Variants in KLF7 observed in about 807,000 individuals in gnomAD.
KLF7 encodes KLF transcription factor 7, also known as Krueppel-like factor 7.
Under a neutral mutation model 27.3 loss-of-function variants are expected in KLF7, and 2 were observed. That is an observed-to-expected ratio of 0.07 (90% CI 0.03 to 0.23). The LOEUF (loss-of-function observed/expected upper bound fraction) is 0.23. Among genes scored for constraint, KLF7 ranks in the 10% least tolerant of loss-of-function variants. KLF7 has a pLI of 1.00. For missense variants in KLF7, 221 were observed against 394.1 expected (o/e 0.56, Z 3.72); for synonymous variants, 165 against 162.4 (o/e 1.02, Z -0.12).
At chr2:207,146,014 G>C (rs1388385487) in intron 1 of KLF7, among the ~76,000 whole-genome samples, 1 of 152,182 alleles carries the variant, frequency 6.6e-6, no homozygotes. Flanking sequence ...TATTATGAAC[G>C]AGTGTGACCA....
intron 2 of KLF7, among the ~76,000 whole-genome samples, chr2:207,098,618 C>CTAT (rs71034501): frequency 1.3e-4 from 20 of 148,896 alleles, no homozygotes; most frequent in South Asian, 2.2e-4. Flanking sequence ...AATGACCAAG[C>CTAT]TATTATTATT....
chr2:207,123,242 T>C (rs1463306668), intron 2 of KLF7, among the ~76,000 whole-genome samples: 1 of 151,882 alleles, frequency 6.6e-6, no homozygotes, highest in Non-Finnish European at 1.5e-5. Flanking sequence ...CAGAGAACAA[T>C]GCAAAAGAGG....
At chr2:207,134,196 G>C in intron 1 of KLF7, 1 of 1,269,252 alleles carries the variant, frequency 7.9e-7, no homozygotes, top group Non-Finnish European at 1.0e-6. Flanking sequence ...CATTTCATTG[G>C]CTCCTTCCTG....
At chr2:207,163,515 C>A (rs1485217428) in intron 1 of KLF7, among the ~76,000 whole-genome samples, 1 of 152,196 alleles carries the variant, frequency 6.6e-6, no homozygotes, top group African/African-American at 2.4e-5. Context: ...CTTTGCAGAT[C>A]TAGAGTTTGT....
chr2:207,162,805 A>G (rs183941480), intron 1 of KLF7, among the ~76,000 whole-genome samples: 1 of 152,352 alleles, frequency 6.6e-6, no homozygotes, highest in Admixed American at 6.5e-5. Flanking sequence ...AAGTCAGATT[A>G]TCAGAGTCTC....
intron 2 of KLF7, among the ~76,000 whole-genome samples, chr2:207,105,683 G>A (rs181799309): frequency 3.9e-5 from 6 of 152,254 alleles, no homozygotes; most frequent in Admixed American, 3.3e-4. Context: ...CATTAGCAGG[G>A]GTGAGGTCCT....
In KLF7 at chr2:207,123,946, G is replaced by A. The variant is rs780685325; in HGVS notation, c.561C>T (p.Ala187=). Residue 187 remains alanine (A), a synonymous_variant, in exon 2 of 4, where the codon GCC becomes GCT. Transcript: ENST00000309446. Reference sequence around the variant, plus strand: ...TCTTAACGGCCCCCGCAGCCGTCACGGCTGCTGCAGCTGTTGCGACCCCTC... The same window carrying A: ...TCTTAACGGCCCCCGCAGCCGTCACAGCTGCTGCAGCTGTTGCGACCCCTC... The part of the protein sequence containing the change: ...KVGGVATAAA[A]VTAAGAVKSG... 1.2e-5 allele frequency: 20 copies of A among 1,614,160 alleles called. No individual in the cohort carries two copies. The highest frequency in any genetic ancestry group is 1.2e-4 in the African/African-American group (9 of 75,056).
rs568889743 is a variant in KLF7, at chr2:207,110,790, A to G, written c.733+12984T>C. On this transcript the variant is annotated intron_variant, in intron 2 of 3. Coordinates refer to ENST00000309446, the MANE Select transcript of KLF7 (RefSeq NM_003709.4). ...ATATTTCCATTTAGTCAATATTGTT[A>G]AAGATCATAAAAGGGAAGAAGGCAA... Among the ~76,000 whole-genome samples, 92 of 152,226 alleles carry G rather than the reference A, an allele frequency of 6.0e-4. 1 individual carries two copies. Among genetic ancestry groups the G allele is most frequent in the Non-Finnish European group, 1.1e-3 (78 of 68,036 alleles).
Position 207,165,733 on chromosome 2 carries a change from C to T in KLF7, c.-165G>A. On this transcript the variant is annotated 5_prime_UTR_variant, in exon 1 of 4. Coordinates refer to ENST00000309446, the MANE Select transcript of KLF7 (RefSeq NM_003709.4). ...TAAAAAGGAAAAAAAAAAATCAATG[C>T]AGGAGAGGGAGAGAGGAGGTGAGAG... 1.4e-6 allele frequency: 2 copies of T among 1,451,762 alleles called. No individual in the cohort carries two copies. 89.9% of individuals were successfully genotyped at this position (1,451,762 alleles called of 1,614,324 possible). A position where few individuals can be genotyped will look rare whatever the true frequency, so the allele number is the denominator to read the frequency against.
chr2:207,081,569 A>G (rs1559106724), intron 3 of KLF7, among the ~76,000 whole-genome samples: 2 of 152,212 alleles, frequency 1.3e-5, no homozygotes, highest in African/African-American at 4.8e-5. Flanking sequence ...GAGATGATCT[A>G]TGCAAGGTAC....
chr2:207,097,831 G>C (rs1160608850), intron 2 of KLF7, among the ~76,000 whole-genome samples: 1 of 152,074 alleles, frequency 6.6e-6, no homozygotes, highest in African/African-American at 2.4e-5. Context: ...CATAACCCAA[G>C]GAATGCCATA....
upstream of KLF7, chr2:207,167,015 A>G: frequency 1.2e-6 from 1 of 819,662 alleles, no homozygotes; most frequent in Admixed American, 4.8e-5. Context: ...TCCGGCGGCT[A>G]GAGTTGATTG....
Position 207,081,035 on chromosome 2 carries a change from GTGTGTGGGTCTGTGAGTGTGTGTATA to G in KLF7, c.*152_*177del. ...TAGTTGAGTGCATGACAGTGTGTAT[GTGTGTGGGTCTGTGAGTGTGTGTATA>G]TGTGTGTGTGTGTGTGTGTGTGTAC... On this transcript the variant is annotated 3_prime_UTR_variant, in exon 4 of 4. Transcript: ENST00000309446. The G allele has an allele frequency of 3.0e-6, 2 of 660,812 alleles. No individual in the cohort carries two copies. The highest frequency in any genetic ancestry group is 5.4e-6 in the Non-Finnish European group (2 of 367,600). 40.9% of individuals were successfully genotyped at this position (660,812 alleles called of 1,614,324 possible). A position where few individuals can be genotyped will look rare whatever the true frequency, so the allele number is the denominator to read the frequency against.
chr2:207,098,689 C>T (rs571271700), intron 2 of KLF7, among the ~76,000 whole-genome samples: 28 of 151,456 alleles, frequency 1.8e-4, no homozygotes, highest in African/African-American at 6.8e-4. Context: ...TGCAGGGGTG[C>T]AATCACAACT....
Position 207,165,663 on chromosome 2 carries a change from G to C in KLF7, c.-95C>G. ...GTCTGTCTGGCTCACCCCCCAAGAA[G>C]GCAGACATCCAGTGGCCCTTTTGTT... On this transcript the variant is annotated 5_prime_UTR_variant, in exon 1 of 4. Coordinates refer to ENST00000309446, the MANE Select transcript of KLF7 (RefSeq NM_003709.4). 1 of 1,580,188 alleles carries C rather than the reference G, an allele frequency of 6.3e-7. No homozygotes were observed. Among genetic ancestry groups the C allele is most frequent in the Non-Finnish European group, 8.6e-7 (1 of 1,163,644 alleles).
chr2:207,151,032 A>G (rs888331398), intron 1 of KLF7, among the ~76,000 whole-genome samples: 327 of 112,442 alleles, frequency 2.9e-3, no homozygotes, highest in Non-Finnish European at 2.9e-3. Context: ...AAAGGAAGGG[A>G]GGGAGGGAGG....
rs1246647197 is a variant in KLF7 at position 207,124,044 on chromosome 2, G to C, written c.463C>G (p.Leu155Val). 3.7e-6 allele frequency: 6 copies of C among 1,614,168 alleles called. No homozygotes were observed. Among genetic ancestry groups the C allele is most frequent in the Non-Finnish European group, 4.2e-6 (5 of 1,180,036 alleles). The change falls in exon 2 of 4, where the codon CTC becomes GTC. Residue 155 changes from leucine to valine, a missense_variant. Physicochemically the swap from Leu to Val is conservative, Grantham distance 32 (BLOSUM62 1). This residue lies in a region of KLF7 where 180 missense variants were observed against 227.9 expected (regional missense o/e 0.79). Coordinates refer to ENST00000309446, the MANE Select transcript of KLF7 (RefSeq NM_003709.4). ...SRHLVKTSQT[L>V]SAVDGTVTLK... ...GTCACCGTGCCATCCACGGCAGAGA[G>C]AGTTTGTGAGGTTTTGACCAGATGG...
At chr2:207,150,850 G>A (rs1218983795) in intron 1 of KLF7, among the ~76,000 whole-genome samples, 1 of 152,030 alleles carries the variant, frequency 6.6e-6, no homozygotes, top group Admixed American at 6.5e-5. Context: ...TATTAAGGCT[G>A]CATGTGTTTT....
chr2:207,169,270 CG>C (rs1247403808), upstream of KLF7, among the ~76,000 whole-genome samples: 1 of 151,922 alleles, frequency 6.6e-6, no homozygotes, highest in Admixed American at 6.6e-5. Flanking sequence ...TCCCCCCACC[CG>C]GGGGGAGCTT....
Sources: gnomAD v4.1 joint callset for allele counts (sites outside exome capture counted in the v4.1 genomes callset) on GRCh38, gnomAD v4.1.1 for gene constraint, gnomAD v4.1.1 regional missense constraint, MANE v1.5 for transcripts, NCBI Gene and HGNC (gene_info 2026-07-23, HGNC 2026-07-21) for gene names.